ICA1: variants seen among roughly 807,000 people sequenced by gnomAD.
The protein encoded by ICA1 is islet cell autoantigen 1.
A neutral mutation model predicts 71.0 loss-of-function variants in ICA1; 40 were observed. The ratio of observed to expected loss-of-function variants is 0.56; its 90% CI spans 0.44 to 0.73. The LOEUF is 0.73. Ranked by LOEUF, ICA1 falls within the 30% of genes least tolerant of loss-of-function variation. ICA1 has a pLI of 0.00. For synonymous variants in ICA1, 207 were observed against 209.5 expected, an observed-to-expected ratio of 0.99 and a Z score of 0.10; for missense variants, 578 against 576.5, an observed-to-expected ratio of 1.00 and a Z score of -0.03.
chr7:8,198,963 A>G (rs1788615072), intron 6 of ICA1, among the ~76,000 whole-genome samples: 1 of 152,254 alleles, frequency 6.6e-6, no homozygotes, highest in African/African-American at 2.4e-5. Context: ...TTCTCAAGAC[A>G]CAGAAATGGC....
rs33924786 is a variant in ICA1, at chr7:8,153,836, A to AATATATATATATATATATATATAT, written c.804+3279_804+3280insATATATATATATATATATATATAT. 8.5e-3 allele frequency among the ~76,000 whole-genome samples: 1,163 copies of AATATATATATATATATATATATAT among 136,618 alleles called. 12 individuals carry two copies. Among genetic ancestry groups the AATATATATATATATATATATATAT allele is most frequent in the East Asian group, 0.012 (55 of 4,696 alleles). 89.6% of individuals were successfully genotyped at this position (136,618 alleles called of 152,430 possible). ...AATATATTAATTACAACTCATGCAGAATATATATATATATATATATATGTA... is the reference window on the plus strand; with the variant it reads ...AATATATTAATTACAACTCATGCAGAATATATATATATATATATATATATATATATATATATATATATATATGTA... On this transcript the variant is annotated intron_variant, in intron 8 of 13. Coordinates refer to ENST00000402384, the MANE Select transcript of ICA1 (RefSeq NM_001136020.3).
intron 6 of ICA1, among the ~76,000 whole-genome samples, chr7:8,203,155 G>A (rs1011510018): frequency 6.6e-6 from 1 of 152,186 alleles, no homozygotes; most frequent in African/African-American, 2.4e-5. Context: ...GGTTAGTACT[G>A]ATTCTAGATA....
chr7:8,251,524 T>A (rs1808202690), intron 1 of ICA1, among the ~76,000 whole-genome samples: 2 of 150,726 alleles, frequency 1.3e-5, no homozygotes, highest in South Asian at 4.2e-4. Flanking sequence ...ACATCTAAGA[T>A]AAAGCTTAGA....
At chr7:8,119,739 AGGAGGTTG>A (rs1786117537) in intron 13 of ICA1, among the ~76,000 whole-genome samples, 1 of 152,158 alleles carries the variant, frequency 6.6e-6, no homozygotes, top group African/African-American at 2.4e-5. Flanking sequence ...CTAGCTACTC[AGGAGGTTG>A]AGGCAGGAGA....
At chr7:8,221,099 G>C (rs1023462958) in intron 5 of ICA1, among the ~76,000 whole-genome samples, 176 bp downstream of exon 5, 1 of 152,058 alleles carries the variant, frequency 6.6e-6, no homozygotes, top group Non-Finnish European at 1.5e-5. Flanking sequence ...AAAATCCTAT[G>C]TGTTAATCTT....
chr7:8,165,587 C>A (rs1370568169), intron 6 of ICA1, among the ~76,000 whole-genome samples: 1 of 152,102 alleles, frequency 6.6e-6, no homozygotes, highest in Admixed American at 6.6e-5. Flanking sequence ...TCAAGCTATC[C>A]CTGTTTGCAG....
At chr7:8,202,767 G>C (rs918834269) in intron 6 of ICA1, among the ~76,000 whole-genome samples, 5 of 152,248 alleles carry the variant, frequency 3.3e-5, no homozygotes, top group Non-Finnish European at 7.3e-5. Context: ...ACAAACTGCA[G>C]AGTAAAATGA....
chr7:8,141,855 C>T, intron 9 of ICA1, 38 bp from the exon 10 acceptor site: 1 of 1,446,690 alleles, frequency 6.9e-7, no homozygotes, highest in Non-Finnish European at 9.6e-7. Context: ...CAACTTCTAC[C>T]AATGTTATAT....
intron 1 of ICA1, among the ~76,000 whole-genome samples, chr7:8,242,503 G>T (rs1399887155): frequency 6.6e-6 from 1 of 152,182 alleles, no homozygotes; most frequent in Admixed American, 6.5e-5. Context: ...ACAATTAAAA[G>T]AACTAGAGAA....
At chr7:8,258,887 C>T (rs968373187) in intron 1 of ICA1, among the ~76,000 whole-genome samples, 8 of 152,198 alleles carry the variant, frequency 5.3e-5, no homozygotes, top group Non-Finnish European at 7.3e-5. Flanking sequence ...GCCTGCAGTC[C>T]TTATCAGACA....
At chr7:8,204,674 A>G (rs1790887060) in intron 6 of ICA1, among the ~76,000 whole-genome samples, 1 of 152,230 alleles carries the variant, frequency 6.6e-6, no homozygotes, top group African/African-American at 2.4e-5. Flanking sequence ...TTGTACTAAG[A>G]AAAAGATATT....
intron 6 of ICA1, among the ~76,000 whole-genome samples, chr7:8,183,855 G>A (rs188524279): frequency 6.6e-6 from 1 of 152,140 alleles, no homozygotes; most frequent in Non-Finnish European, 1.5e-5. Context: ...GATAAGGCAT[G>A]ATCTCTACTC....
chr7:8,163,352 G>A (rs1404834908), intron 6 of ICA1, among the ~76,000 whole-genome samples: 1 of 152,020 alleles, frequency 6.6e-6, no homozygotes, highest in Non-Finnish European at 1.5e-5. Context: ...ATTTTTCTAA[G>A]AGTTTTATTA....
At position 8,232,878 on chromosome 7, in the gene ICA1, G is replaced by A. The variant is rs548468870; in HGVS notation, c.18-123C>T. On this transcript the variant is annotated intron_variant, in intron 2 of 13. Coordinates refer to ENST00000402384, the MANE Select transcript of ICA1 (RefSeq NM_001136020.3). The stretch of plus-strand genomic sequence containing the variant: ...ATTTACATTTACAACATTGATAAAC[G>A]TATGAGCACTTTCTTATCTGGGTGT... 32 of 800,488 alleles carry A rather than the reference G, an allele frequency of 4.0e-5. No homozygotes were observed. The Admixed American group carries it at 4.7e-4, about 12-fold the overall frequency. 49.6% of individuals were successfully genotyped at this position (800,488 alleles called of 1,614,324 possible). A position where few individuals can be genotyped will look rare whatever the true frequency, so the allele number is the denominator to read the frequency against.
chr7:8,171,899 T>C (rs1584873705), intron 6 of ICA1, among the ~76,000 whole-genome samples: 1 of 152,122 alleles, frequency 6.6e-6, no homozygotes, highest in East Asian at 1.9e-4. Flanking sequence ...GAATTTCCAA[T>C]TATTCAGGGG....
At chr7:8,149,797 C>T (rs566673022) in intron 8 of ICA1, among the ~76,000 whole-genome samples, 13 of 152,136 alleles carry the variant, frequency 8.5e-5, no homozygotes, top group Non-Finnish European at 1.5e-4. Flanking sequence ...TAAAAGTGTT[C>T]AAAATAGTGG....
chr7:8,214,450 A>G (rs1794767377), intron 6 of ICA1, among the ~76,000 whole-genome samples: 1 of 152,218 alleles, frequency 6.6e-6, no homozygotes, highest in African/African-American at 2.4e-5. Flanking sequence ...GGAACTTCCA[A>G]CTGCACACAG....
chr7:8,245,170 T>C (rs992844858), intron 1 of ICA1, among the ~76,000 whole-genome samples: 2 of 152,120 alleles, frequency 1.3e-5, no homozygotes, highest in Non-Finnish European at 2.9e-5. Flanking sequence ...CAAATGTCCA[T>C]CAATGGTAGA....
intron 6 of ICA1, among the ~76,000 whole-genome samples, chr7:8,201,961 G>A (rs553491725): frequency 6.6e-5 from 10 of 152,136 alleles, no homozygotes; most frequent in African/African-American, 9.7e-5. Flanking sequence ...GCAAGAAACC[G>A]GGGGACAGGG....
Sources: allele counts gnomAD v4.1 joint callset (sites outside exome capture counted in the v4.1 genomes callset), GRCh38; gene constraint gnomAD v4.1.1; transcripts MANE v1.5; gene names NCBI Gene and HGNC (gene_info 2026-07-23, HGNC 2026-07-21).